CDH7: variants seen among roughly 807,000 people sequenced by gnomAD.
The protein encoded by CDH7 is cadherin-7.
CDH7 carries 25 observed loss-of-function variants against 71.8 expected under a neutral mutation model. The observed-to-expected ratio is 0.35, with a 90% CI of 0.25 to 0.49. The LOEUF (loss-of-function observed/expected upper bound fraction) is 0.49, where lower values mean the gene tolerates loss of function less well. CDH7 is among the 20% of genes least tolerant of loss of function. CDH7 has a pLI of 0.99. For missense variants in CDH7, 862 were observed against 974.6 expected (o/e 0.88, Z 1.54); for synonymous variants, 381 against 363.8 (o/e 1.05, Z -0.54).
chr18:65,781,790 C>CTTT (rs1568181354), intron 2 of CDH7, among the ~76,000 whole-genome samples: 1 of 70,080 alleles, frequency 1.4e-5, no homozygotes, highest in African/African-American at 9.6e-5. Context: ...TTCCTTCCTT[C>CTTT]CTTCCTTCCT....
chr18:65,805,804 G>T (rs1440981634), intron 2 of CDH7, among the ~76,000 whole-genome samples: 1 of 152,094 alleles, frequency 6.6e-6, no homozygotes, highest in Non-Finnish European at 1.5e-5. Context: ...TATTGATAAA[G>T]ATACTCTTGT....
intron 6 of CDH7, among the ~76,000 whole-genome samples, chr18:65,842,335 T>C (rs555234234): frequency 6.6e-6 from 1 of 152,200 alleles, no homozygotes; most frequent in South Asian, 2.1e-4. Context: ...AGCATTTTAG[T>C]AAGTCCTGTC....
chr18:65,769,512 G>A (rs1916480039), intron 2 of CDH7, among the ~76,000 whole-genome samples: 1 of 152,264 alleles, frequency 6.6e-6, no homozygotes, highest in East Asian at 1.9e-4. Flanking sequence ...TATCTTACGT[G>A]ACTACAGCAA....
At chr18:65,757,343 G>A (rs1242190787) in intron 1 of CDH7, among the ~76,000 whole-genome samples, 2 of 152,066 alleles carry the variant, frequency 1.3e-5, no homozygotes, top group East Asian at 1.9e-4. Context: ...ATCAAATGAC[G>A]TTGATTTAGT....
At position 65,864,763 on chromosome 18, in the gene CDH7, C is replaced by T. The variant is rs184144365; in HGVS notation, c.1864+1846C>T. Among the ~76,000 whole-genome samples the T allele has an allele frequency of 4.1e-3, 620 of 151,446 alleles. 5 individuals are homozygous for T. The highest frequency in any genetic ancestry group is 0.013 in the African/African-American group (554 of 41,292). ...AAAATTAGCCAGGAGTGGTGGCGGG[C>T]GCCTGTAGTCCCAGCTACTTGGGAG... On this transcript the variant is annotated intron_variant, in intron 11 of 11. Coordinates refer to ENST00000397968, the MANE Select transcript of CDH7 (RefSeq NM_004361.5).
At chr18:65,762,338 C>T (rs765083007) in intron 1 of CDH7, among the ~76,000 whole-genome samples, 11 of 152,010 alleles carry the variant, frequency 7.2e-5, no homozygotes, top group African/African-American at 1.7e-4. Flanking sequence ...AAAATGATGC[C>T]GCTACATTTG....
rs9950073 is a variant in CDH7, at chr18:65,843,728, C to T, written c.982-84C>T. 1.0e-3 allele frequency: 1,265 copies of T among 1,269,796 alleles called. 16 individuals are homozygous for T. In the African/African-American group the frequency reaches 0.016, roughly 16 times the overall value. 78.7% of individuals were successfully genotyped at this position (1,269,796 alleles called of 1,614,324 possible). On this transcript the variant is annotated intron_variant, in intron 6 of 11. Transcript: ENST00000397968. The stretch of plus-strand genomic sequence containing the variant: ...TTTACATGACAGAGTCCTTCCTAAG[C>T]TTATTGACATTCATAAATGAAAAGG...
rs1555685189 is a variant in CDH7, at chr18:65,811,983, T to TTTG, written c.505+1986_505+1988dup. On this transcript the variant is annotated intron_variant, in intron 3 of 11. Coordinates refer to ENST00000397968, the MANE Select transcript of CDH7 (RefSeq NM_004361.5). ...TTTCTTTTCTTTTTTTTTTTTTTTT[T>TTTG]TTGCGAGATGGAGTCTCACTCTGTT... Among the ~76,000 whole-genome samples, 8 of 144,914 alleles carry TTTG rather than the reference T, an allele frequency of 5.5e-5. 1 individual carries two copies. Among genetic ancestry groups the TTTG allele is most frequent in the African/African-American group, 2.0e-4 (8 of 39,068 alleles).
intron 2 of CDH7, among the ~76,000 whole-genome samples, chr18:65,783,306 C>G (rs777490430): frequency 2.0e-5 from 3 of 152,102 alleles, no homozygotes; most frequent in Non-Finnish European, 4.4e-5. Flanking sequence ...GGTAAATTAA[C>G]AGAAAGATAA....
At chr18:65,789,073 C>T (rs1198686176) in intron 2 of CDH7, among the ~76,000 whole-genome samples, 1 of 152,134 alleles carries the variant, frequency 6.6e-6, no homozygotes, top group African/African-American at 2.4e-5. Flanking sequence ...TTTAAATATG[C>T]AAAGAAATAT....
intron 2 of CDH7, among the ~76,000 whole-genome samples, chr18:65,784,305 G>C (rs1910431245): frequency 6.6e-6 from 1 of 151,948 alleles, no homozygotes; most frequent in Non-Finnish European, 1.5e-5. Context: ...TTTTTACAAA[G>C]CCCAGAGAGA....
chr18:65,868,287 A>T (rs1205368502), intron 11 of CDH7, among the ~76,000 whole-genome samples: 1 of 152,178 alleles, frequency 6.6e-6, no homozygotes, highest in Non-Finnish European at 1.5e-5. Context: ...TAAGTGCTTT[A>T]CAAGCTTTAT....
intron 7 of CDH7, among the ~76,000 whole-genome samples, chr18:65,849,478 T>G (rs1257167521): frequency 6.6e-6 from 1 of 150,876 alleles, no homozygotes; most frequent in African/African-American, 2.4e-5. Context: ...AGTGGTGTGA[T>G]CTCGGTTCAC....
chr18:65,876,633 A>G (rs1420119650), intron 11 of CDH7, among the ~76,000 whole-genome samples: 2 of 152,110 alleles, frequency 1.3e-5, no homozygotes, highest in African/African-American at 4.8e-5. Flanking sequence ...TCTCATCTGT[A>G]TCTATTTCCC....
intron 7 of CDH7, among the ~76,000 whole-genome samples, chr18:65,845,533 A>G (rs975683457): frequency 1.3e-5 from 2 of 152,124 alleles, no homozygotes; most frequent in African/African-American, 4.8e-5. Flanking sequence ...TGGGGCAAAC[A>G]TGAGTTTGAG....
chr18:65,750,445 T>G (rs1450465938), upstream of CDH7: 1 of 152,234 alleles, frequency 6.6e-6, no homozygotes. Context: ...TGCTTTCAGA[T>G]GCAAATGCCT....
intron 11 of CDH7, among the ~76,000 whole-genome samples, chr18:65,879,350 G>T (rs868328063): frequency 1.3e-5 from 2 of 152,112 alleles, no homozygotes; most frequent in Non-Finnish European, 2.9e-5. Flanking sequence ...TACGTTATGG[G>T]CTATTCAGAC....
chr18:65,810,150 A>G, intron 3 of CDH7, 152 bp downstream of exon 3: 1 of 621,462 alleles, frequency 1.6e-6, no homozygotes, highest in South Asian at 2.3e-5. Context: ...CATTTGAGAC[A>G]TGTTGGCAGC....
intron 4 of CDH7, among the ~76,000 whole-genome samples, chr18:65,818,583 A>G (rs1911806060): frequency 6.6e-6 from 1 of 152,224 alleles, no homozygotes; most frequent in African/African-American, 2.4e-5. Context: ...TATAATGTAA[A>G]ACAGAATAAG....
Sources: gnomAD v4.1 joint callset for allele counts (sites outside exome capture counted in the v4.1 genomes callset) on GRCh38, gnomAD v4.1.1 for gene constraint, MANE v1.5 for transcripts, NCBI Gene and HGNC (gene_info 2026-07-23, HGNC 2026-07-21) for gene names.